Variants in PCDH15 observed in about 807,000 individuals in gnomAD.
PCDH15 encodes the protein protocadherin-15.
Under a neutral mutation model 178.5 loss-of-function variants are expected in PCDH15, and 129 were observed. The ratio of observed to expected loss-of-function variants is 0.72; its 90% CI spans 0.63 to 0.84. The LOEUF (loss-of-function observed/expected upper bound fraction) is 0.84, where lower values mean the gene tolerates loss of function less well. Ranked by LOEUF, PCDH15 falls within the 40% of genes least tolerant of loss-of-function variation. PCDH15 has a pLI of 0.00. For missense variants in PCDH15, 2,230 were observed against 2,099.9 expected, an observed-to-expected ratio of 1.06 and a Z score of -1.21; for synonymous variants, 800 against 732.0, an observed-to-expected ratio of 1.09 and a Z score of -1.50.
chr10:55,058,608 A>C (rs1002168025), intron 2 of PCDH15, among the ~76,000 whole-genome samples: 2 of 152,168 alleles, frequency 1.3e-5, no homozygotes, highest in African/African-American at 2.4e-5. Flanking sequence ...AGACACATAC[A>C]ACTGAAATTA....
chr10:53,946,138 A>T (rs775707583), intron 23 of PCDH15, among the ~76,000 whole-genome samples: 2 of 152,128 alleles, frequency 1.3e-5, no homozygotes, highest in Admixed American at 6.5e-5. Context: ...ATCACCTCAC[A>T]TCTATTAGAG....
intron 9 of PCDH15, among the ~76,000 whole-genome samples, chr10:54,231,456 A>G (rs1307727756): frequency 6.6e-6 from 1 of 152,220 alleles, no homozygotes; most frequent in African/African-American, 2.4e-5. Flanking sequence ...CCCTCATGGA[A>G]CACCTCTACC....
intron 6 of PCDH15, among the ~76,000 whole-genome samples, chr10:54,336,184 C>G (rs1303959070): frequency 6.6e-6 from 1 of 152,120 alleles, no homozygotes. Flanking sequence ...TAAAAGCATT[C>G]AGTTTTAAAA....
At chr10:55,056,614 T>TTATTAC (rs1564754273) in intron 2 of PCDH15, among the ~76,000 whole-genome samples, 2 of 64,270 alleles carry the variant, frequency 3.1e-5, no homozygotes, top group African/African-American at 1.7e-4. Flanking sequence ...TTTTGTTTTA[T>TTATTAC]TATTATTATT....
At chr10:54,829,489 C>T (rs922460903) in intron 3 of PCDH15, among the ~76,000 whole-genome samples, 50 of 151,998 alleles carry the variant, frequency 3.3e-4, no homozygotes, top group African/African-American at 1.2e-3. Context: ...GCAGATAATA[C>T]TACACTTATC....
At chr10:54,555,168 T>C (rs571477900) in intron 2 of PCDH15, among the ~76,000 whole-genome samples, 70 of 152,334 alleles carry the variant, frequency 4.6e-4, no homozygotes, top group African/African-American at 1.6e-3. Context: ...AGGTTTCTGA[T>C]TGATTCAGGC....
At position 54,638,522 on chromosome 10, in the gene PCDH15, C is replaced by A. The variant is rs898423807; in HGVS notation, c.91+25650G>T. 3.9e-5 allele frequency among the ~76,000 whole-genome samples: 6 copies of A among 152,080 alleles called. No homozygotes were observed. In the East Asian group the frequency reaches 1.2e-3, roughly 29 times the overall value. On this transcript the variant is annotated intron_variant, in intron 2 of 37. Transcript: ENST00000644397. ...CTAAAGTACTTCGCCAAAAATTTAA[C>A]CAGATAAAAACAATTTTAAAAAGTA...
At chr10:54,931,563 C>T (rs556594927) in intron 2 of PCDH15, among the ~76,000 whole-genome samples, 1 of 152,230 alleles carries the variant, frequency 6.6e-6, no homozygotes, top group African/African-American at 2.4e-5. Flanking sequence ...CAAACAATAT[C>T]TTTTCTATGT....
chr10:54,614,994 T>C (rs2093084802), intron 2 of PCDH15, among the ~76,000 whole-genome samples: 2 of 152,064 alleles, frequency 1.3e-5, no homozygotes, highest in African/African-American at 4.8e-5. Flanking sequence ...ATTTCTGATT[T>C]GGGCTTGGAT....
chr10:55,056,551 T>C (rs1338249702), intron 2 of PCDH15, among the ~76,000 whole-genome samples: 2 of 151,072 alleles, frequency 1.3e-5, no homozygotes, highest in Admixed American at 1.3e-4. Context: ...TCTACCTCAA[T>C]AAGACTCTGT....
At chr10:55,473,317 A>T (rs1305990404) in intron 2 of PCDH15, among the ~76,000 whole-genome samples, 1 of 151,962 alleles carries the variant, frequency 6.6e-6, no homozygotes, top group Non-Finnish European at 1.5e-5. Flanking sequence ...AAAGATAACA[A>T]CATAAATAGG....
intron 2 of PCDH15, among the ~76,000 whole-genome samples, chr10:54,999,761 T>C (rs1839753627): frequency 6.6e-6 from 1 of 152,188 alleles, no homozygotes; most frequent in Admixed American, 6.5e-5. Flanking sequence ...ACGTAGGTTC[T>C]TTTCTATATT....
intron 21 of PCDH15, among the ~76,000 whole-genome samples, chr10:53,986,023 C>A (rs899046945): frequency 6.6e-5 from 10 of 152,226 alleles, no homozygotes; most frequent in Non-Finnish European, 1.3e-4. Context: ...GAAATATATT[C>A]TTTAAACAAA....
chr10:54,831,799 T>C (rs1953231188), intron 3 of PCDH15, among the ~76,000 whole-genome samples: 1 of 152,100 alleles, frequency 6.6e-6, no homozygotes, highest in African/African-American at 2.4e-5. Flanking sequence ...ATTTATTACA[T>C]GATCAATTGG....
At chr10:54,690,103 G>A (rs1160384006) in intron 1 of PCDH15, among the ~76,000 whole-genome samples, 2 of 152,016 alleles carry the variant, frequency 1.3e-5, no homozygotes, top group Non-Finnish European at 2.9e-5. Context: ...GATTGGAATG[G>A]AGCTGAAAAA....
At chr10:55,607,817 G>A (rs1843262728) in intron 2 of PCDH15, among the ~76,000 whole-genome samples, 2 of 150,082 alleles carry the variant, frequency 1.3e-5, no homozygotes, top group African/African-American at 2.4e-5. Context: ...GTTAGTGGGT[G>A]CAGCGCACCA....
chr10:55,165,023 C>T (rs1839161129), intron 2 of PCDH15, among the ~76,000 whole-genome samples: 1 of 151,934 alleles, frequency 6.6e-6, no homozygotes, highest in African/African-American at 2.4e-5. Flanking sequence ...AACATATGAA[C>T]CTATATGGTA....
chr10:54,129,384 T>G (rs911628142), intron 15 of PCDH15, among the ~76,000 whole-genome samples: 1 of 152,318 alleles, frequency 6.6e-6, no homozygotes, highest in Non-Finnish European at 1.5e-5. Context: ...TTTTTTAAAT[T>G]TATACTTTTG....
intron 2 of PCDH15, among the ~76,000 whole-genome samples, chr10:55,119,237 C>T (rs1837703940): frequency 6.6e-6 from 1 of 152,094 alleles, no homozygotes; most frequent in Non-Finnish European, 1.5e-5. Context: ...AGTATACGAC[C>T]ATGTGAGATT....
Sources: allele counts gnomAD v4.1 joint callset (sites outside exome capture counted in the v4.1 genomes callset), GRCh38; gene constraint gnomAD v4.1.1; transcripts MANE v1.5; gene names NCBI Gene and HGNC (gene_info 2026-07-23, HGNC 2026-07-21).